DDX10: variants seen among roughly 807,000 people sequenced by gnomAD.
The protein encoded by DDX10 is DEAD-box helicase 10, also known as probable ATP-dependent RNA helicase DDX10.
A neutral mutation model predicts 104.3 loss-of-function variants in DDX10; 74 were observed. That is an observed-to-expected ratio of 0.71 (90% confidence interval 0.59 to 0.86). The LOEUF is 0.86. Among genes scored for constraint, DDX10 ranks in the 40% least tolerant of loss-of-function variants. The pLI, the probability that DDX10 is intolerant of heterozygous loss-of-function variation, is 0.00. For missense variants in DDX10, 952 were observed against 1,040.0 expected (o/e 0.92, Z 1.16); for synonymous variants, 351 against 353.4 (o/e 0.99, Z 0.08).
In DDX10 at chr11:108,715,973, C is replaced by T. The variant is rs2094290813; in HGVS notation, c.1410+7C>T. On this transcript the variant is annotated splice_region_variant and intron_variant, in intron 11 of 17. Coordinates refer to ENST00000322536, the MANE Select transcript of DDX10 (RefSeq NM_004398.4). ...AAAAGAAAGAGCTCAAAGGGTAAGTCATTTTTCAGTTGGATACTTTCATTG... is the reference window on the plus strand; with the variant it reads ...AAAAGAAAGAGCTCAAAGGGTAAGTTATTTTTCAGTTGGATACTTTCATTG... The T allele has an allele frequency of 6.9e-7, 1 of 1,439,464 alleles. No individual in the cohort carries two copies. The highest frequency in any genetic ancestry group is 9.7e-7 in the Non-Finnish European group (1 of 1,028,322). 89.2% of individuals were successfully genotyped at this position (1,439,464 alleles called of 1,614,324 possible).
chr11:108,681,416 A>C (rs1037803199), intron 6 of DDX10, among the ~76,000 whole-genome samples: 7 of 152,212 alleles, frequency 4.6e-5, no homozygotes, highest in Non-Finnish European at 1.0e-4. Flanking sequence ...TAATGGCTGC[A>C]GTATTCTAAT....
At chr11:108,847,808 ATTAAC>A (rs2134601927) in intron 15 of DDX10, among the ~76,000 whole-genome samples, 1 of 152,338 alleles carries the variant, frequency 6.6e-6, no homozygotes, top group East Asian at 1.9e-4. Context: ...TATGCTAATA[ATTAAC>A]TTCTGAAATC....
chr11:108,691,932 A>G lies in DDX10; in HGVS notation c.1032A>G (p.Ala344=). 1 of 1,613,788 alleles carries G rather than the reference A, an allele frequency of 6.2e-7. No individual in the cohort carries two copies. The highest frequency in any genetic ancestry group is 2.2e-5 in the East Asian group (1 of 44,858). ...CRLRPGVSIL[A]LHGRQQQMRR... is the part of the protein sequence containing the mutation. ...TACGTCCTGGTGTTTCTATCCTTGCACTCCATGGTCGACAGCAGCAAATGA... is the reference window on the plus strand; with the variant it reads ...TACGTCCTGGTGTTTCTATCCTTGCGCTCCATGGTCGACAGCAGCAAATGA... Residue 344 remains alanine (A), a synonymous_variant, in exon 8 of 18, where the codon GCA becomes GCG. Coordinates refer to ENST00000322536, the MANE Select transcript of DDX10 (RefSeq NM_004398.4).
intron 13 of DDX10, among the ~76,000 whole-genome samples, chr11:108,761,222 A>T (rs1004871856): frequency 2.0e-5 from 3 of 152,108 alleles, no homozygotes; most frequent in Admixed American, 6.5e-5. Flanking sequence ...GCATGAGCGG[A>T]TCTTTTTCAA....
At chr11:108,768,850 A>G (rs2094359496) in intron 13 of DDX10, among the ~76,000 whole-genome samples, 1 of 151,934 alleles carries the variant, frequency 6.6e-6, no homozygotes, top group Non-Finnish European at 1.5e-5. Flanking sequence ...GATTTTTAAT[A>G]TGGTATTTAA....
At chr11:108,692,135 G>A in intron 8 of DDX10, 97 bp downstream of exon 8, 1 of 1,129,174 alleles carries the variant, frequency 8.9e-7, no homozygotes, top group Non-Finnish European at 1.2e-6. Flanking sequence ...CAAACACTTG[G>A]GTTTCTTTTC....
At chr11:108,839,875 G>A (rs933855739) in intron 14 of DDX10, among the ~76,000 whole-genome samples, 1 of 152,180 alleles carries the variant, frequency 6.6e-6, no homozygotes, top group Non-Finnish European at 1.5e-5. Context: ...TGCTGTTGGT[G>A]TAATGAGGTT....
At chr11:108,751,633 G>A (rs1177171110) in intron 13 of DDX10, among the ~76,000 whole-genome samples, 1 of 152,208 alleles carries the variant, frequency 6.6e-6, no homozygotes, top group Non-Finnish European at 1.5e-5. Flanking sequence ...AAGAGGAAGA[G>A]GCTGAGAGTG....
intron 12 of DDX10, among the ~76,000 whole-genome samples, chr11:108,722,064 C>T (rs2094298996): frequency 6.6e-6 from 1 of 152,196 alleles, no homozygotes. Context: ...GTACTCTTAG[C>T]ATCCCGTTTT....
At chr11:108,788,707 C>A (rs1861829798) in intron 13 of DDX10, among the ~76,000 whole-genome samples, 1 of 152,162 alleles carries the variant, frequency 6.6e-6, no homozygotes, top group African/African-American at 2.4e-5. Context: ...TGTATACTGG[C>A]AAAATGTTTT....
intron 6 of DDX10, among the ~76,000 whole-genome samples, chr11:108,687,098 G>A (rs1213781416): frequency 6.6e-6 from 1 of 152,062 alleles, no homozygotes; most frequent in Admixed American, 6.5e-5. Context: ...AGTATGTTTG[G>A]TTTTAAGAGA....
intron 2 of DDX10, among the ~76,000 whole-genome samples, chr11:108,674,791 G>A (rs1471260447): frequency 6.6e-6 from 1 of 152,140 alleles, no homozygotes; most frequent in Non-Finnish European, 1.5e-5. Flanking sequence ...TGGGATTATA[G>A]GCGTGAGCCA....
At chr11:108,686,119 T>C (rs4754346) in intron 6 of DDX10, among the ~76,000 whole-genome samples, 152,299 of 152,328 alleles carry the variant, frequency 1, 76,135 homozygotes, top group Middle Eastern at 1. Flanking sequence ...TTTAGGTTAA[T>C]CTCAAAATTG....
intron 17 of DDX10, among the ~76,000 whole-genome samples, chr11:108,931,553 G>T (rs1331750503): frequency 6.6e-6 from 1 of 152,136 alleles, no homozygotes; most frequent in East Asian, 1.9e-4. Flanking sequence ...ACAGGGAAGG[G>T]AGAAAAGTAG....
At chr11:108,742,272 A>G (rs934070246) in intron 13 of DDX10, among the ~76,000 whole-genome samples, 12 of 145,094 alleles carry the variant, frequency 8.3e-5, no homozygotes, top group African/African-American at 3.1e-4. Context: ...AAACAAAACA[A>G]AACAAAAAAA....
At chr11:108,718,157 C>G (rs2094293861) in intron 11 of DDX10, among the ~76,000 whole-genome samples, 1 of 147,412 alleles carries the variant, frequency 6.8e-6, no homozygotes, top group Non-Finnish European at 1.5e-5. Context: ...GAGCGAGGCT[C>G]TGTCTCAAAA....
At chr11:108,876,438 G>C (rs186601525) in intron 16 of DDX10, among the ~76,000 whole-genome samples, 72 of 152,220 alleles carry the variant, frequency 4.7e-4, no homozygotes, top group African/African-American at 1.7e-3. Flanking sequence ...ACAAAATGGC[G>C]AGGGGCCTTT....
intron 15 of DDX10, among the ~76,000 whole-genome samples, chr11:108,842,860 A>G (rs2134597191): frequency 6.6e-6 from 1 of 152,304 alleles, no homozygotes. Context: ...CTGCATTTCT[A>G]AGTTGTAGCC....
intron 6 of DDX10, among the ~76,000 whole-genome samples, chr11:108,685,772 A>G (rs2094243072): frequency 6.6e-6 from 1 of 152,226 alleles, no homozygotes; most frequent in African/African-American, 2.4e-5. Flanking sequence ...CTTCTGCCAA[A>G]CATTCATTCC....
Sources: allele counts gnomAD v4.1 joint callset (sites outside exome capture counted in the v4.1 genomes callset), GRCh38; gene constraint gnomAD v4.1.1; transcripts MANE v1.5; gene names NCBI Gene and HGNC (gene_info 2026-07-23, HGNC 2026-07-21).